STXBP4: variants seen among roughly 807,000 people sequenced by gnomAD.
The protein encoded by STXBP4 is syntaxin binding protein 4.
STXBP4 carries 55 observed loss-of-function variants against 76.1 expected under a neutral mutation model. The observed-to-expected ratio is 0.72, with a 90% CI of 0.58 to 0.91. The LOEUF is 0.91. Among genes scored for constraint, STXBP4 ranks in the 40% least tolerant of loss-of-function variants. STXBP4 has a pLI of 0.00. For missense variants in STXBP4, 618 were observed against 636.9 expected, an observed-to-expected ratio of 0.97 and a Z score of 0.32; for synonymous variants, 201 against 220.2, an observed-to-expected ratio of 0.91 and a Z score of 0.77.
chr17:54,987,125 G>A (rs1218108178), intron 3 of STXBP4, among the ~76,000 whole-genome samples: 1 of 152,176 alleles, frequency 6.6e-6, no homozygotes, highest in East Asian at 1.9e-4. Context: ...AAAGGAAGCA[G>A]TAAAGTCACA....
chr17:55,158,708 T>C (rs1335600826), intron 17 of STXBP4, among the ~76,000 whole-genome samples: 2 of 152,230 alleles, frequency 1.3e-5, no homozygotes, highest in Non-Finnish European at 2.9e-5. Flanking sequence ...GAAACACTTT[T>C]CAGGATGCTG....
intron 1 of STXBP4, among the ~76,000 whole-genome samples, chr17:54,977,824 A>C (rs915285774): frequency 6.6e-6 from 1 of 152,234 alleles, no homozygotes; most frequent in African/African-American, 2.4e-5. Context: ...AGTATAATAC[A>C]TCCAACTTTA....
At chr17:55,050,813 G>A (rs577482941) in intron 12 of STXBP4, among the ~76,000 whole-genome samples, 1 of 152,102 alleles carries the variant, frequency 6.6e-6, no homozygotes, top group South Asian at 2.1e-4. Flanking sequence ...GATTACAGGT[G>A]TGCACCACCA....
At chr17:55,151,853 A>G (rs746708251) in intron 17 of STXBP4, among the ~76,000 whole-genome samples, 7 of 152,222 alleles carry the variant, frequency 4.6e-5, no homozygotes, top group East Asian at 1.9e-4. Context: ...CTCCAGCTGT[A>G]TAGAAAATAA....
rs976980093 is a variant in STXBP4, at chr17:55,164,417, A to G, written c.*4506A>G. On this transcript the variant is annotated 3_prime_UTR_variant, in exon 18 of 18. Transcript: ENST00000376352. ...CCCCCATCACCCAATTATTCTCTAT[A>G]TCACTCTACCCTGTTTATTTCTTTT... is the stretch of plus-strand genomic sequence containing the variant. The G allele has an allele frequency of 2.3e-5, 3 of 132,384 alleles. No individual in the cohort carries two copies. Among genetic ancestry groups the G allele is most frequent in the African/African-American group, 8.5e-5 (3 of 35,446 alleles). The allele number at this position is 132,384 out of a possible 1,614,324, so 8.2% of individuals were successfully genotyped here. A position where few individuals can be genotyped will look rare whatever the true frequency, so the allele number is the denominator to read the frequency against.
At chr17:55,206,041 G>A in the STXBP4 span, among the ~76,000 whole-genome samples, 32 of 152,076 alleles carry the variant, frequency 2.1e-4, no homozygotes, top group Admixed American at 1.6e-3. Flanking sequence ...CATAAGGCAG[G>A]TCTATACTTA....
At chr17:55,064,172 A>G (rs878907941) in intron 12 of STXBP4, among the ~76,000 whole-genome samples, 1 of 152,186 alleles carries the variant, frequency 6.6e-6, no homozygotes, top group Admixed American at 6.5e-5. Context: ...TATTGCTTTG[A>G]TTAACCGTCA....
chr17:55,105,912 G>A (rs2079629376), intron 16 of STXBP4, among the ~76,000 whole-genome samples: 1 of 152,198 alleles, frequency 6.6e-6, no homozygotes. Context: ...GCAATGTGTT[G>A]CCGAGAATAA....
intron 4 of STXBP4, among the ~76,000 whole-genome samples, chr17:54,998,161 A>G (rs1399027943): frequency 6.6e-6 from 1 of 152,176 alleles, no homozygotes; most frequent in Non-Finnish European, 1.5e-5. Flanking sequence ...GTGAATCACC[A>G]TTATTACAAA....
At chr17:55,198,310 T>C in the STXBP4 span, among the ~76,000 whole-genome samples, 1 of 152,114 alleles carries the variant, frequency 6.6e-6, no homozygotes, top group Non-Finnish European at 1.5e-5. Context: ...GTGTGGAAAG[T>C]TGGGGTTTTC....
rs771922324 is a variant in STXBP4, at chr17:55,162,324, A to G, written c.*2413A>G. The stretch of plus-strand genomic sequence containing the variant: ...GCCAGTCTTTCTTTAACATCAATCA[A>G]CCGTAGCAATGTGGTCATCACGAAG... On this transcript the variant is annotated 3_prime_UTR_variant, in exon 18 of 18. Coordinates refer to ENST00000376352, the MANE Select transcript of STXBP4 (RefSeq NM_178509.6). 2.0e-5 allele frequency: 3 copies of G among 152,176 alleles called. No homozygotes were observed. Among genetic ancestry groups the G allele is most frequent in the Non-Finnish European group, 2.9e-5 (2 of 68,030 alleles). The allele number at this position is 152,176 out of a possible 1,614,324, so 9.4% of individuals were successfully genotyped here.
chr17:55,052,885 TAAAAA>T (rs57404823), intron 12 of STXBP4, among the ~76,000 whole-genome samples: 2 of 104,026 alleles, frequency 1.9e-5, no homozygotes, highest in African/African-American at 3.6e-5. Context: ...AAGTTTTGTT[TAAAAA>T]AAAAAAAAAA....
chr17:55,022,379 T>TG (rs1446491400), intron 8 of STXBP4, among the ~76,000 whole-genome samples: 1 of 152,136 alleles, frequency 6.6e-6, no homozygotes, highest in Non-Finnish European at 1.5e-5. Context: ...AGGTTGTAAG[T>TG]GAATCCAATT....
At chr17:55,195,024 C>A in the STXBP4 span, among the ~76,000 whole-genome samples, 1 of 152,122 alleles carries the variant, frequency 6.6e-6, no homozygotes, top group African/African-American at 2.4e-5. Context: ...CAATCTGGAC[C>A]AAGCAAGGGA....
chr17:55,030,754 TGAACCTAATTC>T (rs1352021479), intron 8 of STXBP4: 1 of 153,576 alleles, frequency 6.5e-6, no homozygotes, highest in Non-Finnish European at 1.5e-5. Flanking sequence ...GATTTTATGT[TGAACCTAATTC>T]CTATCAACTT....
intron 16 of STXBP4, among the ~76,000 whole-genome samples, chr17:55,121,148 G>T (rs575553076): frequency 1.2e-4 from 18 of 152,158 alleles, no homozygotes; most frequent in African/African-American, 4.3e-4. Flanking sequence ...CTAGCAGTCT[G>T]TGGGAAGAGA....
intron 4 of STXBP4, chr17:54,991,775 G>A (rs1423692727): frequency 1.3e-5 from 2 of 149,906 alleles, no homozygotes; most frequent in Non-Finnish European, 3.0e-5. Context: ...ATTTGATTTT[G>A]GAGAGATATC....
chr17:54,982,702 G>A (rs2077567857), intron 1 of STXBP4, among the ~76,000 whole-genome samples: 2 of 151,942 alleles, frequency 1.3e-5, no homozygotes, highest in South Asian at 4.2e-4. Context: ...TATAAAGAGA[G>A]AGTAGGAAGC....
intron 16 of STXBP4, among the ~76,000 whole-genome samples, chr17:55,140,361 T>C (rs2080081029): frequency 6.6e-6 from 1 of 152,110 alleles, no homozygotes; most frequent in African/African-American, 2.4e-5. Flanking sequence ...CTCTGCCCCT[T>C]GCTGAGACTT....
Sources: gnomAD v4.1 joint callset for allele counts (sites outside exome capture counted in the v4.1 genomes callset) on GRCh38, gnomAD v4.1.1 for gene constraint, MANE v1.5 for transcripts, NCBI Gene and HGNC (gene_info 2026-07-23, HGNC 2026-07-21) for gene names.